LRIG2: variants seen among roughly 807,000 people sequenced by gnomAD.
LRIG2 encodes the protein leucine-rich repeats and immunoglobulin-like domains protein 2.
Under a neutral mutation model 107.8 loss-of-function variants are expected in LRIG2, and 93 were observed. The observed-to-expected ratio is 0.86, with a 90% CI of 0.73 to 1.03. LRIG2 has a LOEUF of 1.03. Among genes scored for constraint, LRIG2 ranks in the 50% least tolerant of loss-of-function variants. The pLI is 0.00. For missense variants in LRIG2, 1,226 were observed against 1,296.0 expected, an observed-to-expected ratio of 0.95 and a Z score of 0.83; for synonymous variants, 471 against 470.6, an observed-to-expected ratio of 1.00 and a Z score of -0.01.
intron 1 of LRIG2, among the ~76,000 whole-genome samples, chr1:113,090,008 A>G (rs1008834366): frequency 4.0e-5 from 6 of 151,060 alleles, no homozygotes; most frequent in African/African-American, 1.5e-4. Context: ...TTTTTTTTTA[A>G]AGGAAGACCA....
At chr1:113,103,827 C>T (rs1248046852) in intron 11 of LRIG2, 1 of 152,238 alleles carries the variant, frequency 6.6e-6, no homozygotes, top group Non-Finnish European at 1.5e-5. Context: ...AATATATTCT[C>T]TGGAGTTGGG....
In LRIG2 at chr1:113,119,497, A is replaced by G. The variant is rs1655155690; in HGVS notation, c.2945A>G (p.Lys982Arg). 6.2e-7 allele frequency: 1 copy of G among 1,613,992 alleles called. No individual in the cohort carries two copies. Among genetic ancestry groups the G allele is most frequent in the South Asian group, 1.1e-5 (1 of 91,076 alleles). The change falls in exon 17 of 18, where the codon AAA (lysine) becomes AGA (arginine). Residue 982 changes from lysine (K) to arginine (R), a missense_variant. Physicochemically the swap from Lys to Arg is conservative, Grantham distance 26. This residue lies in a region of LRIG2 where 642 missense variants were observed against 712.2 expected (regional missense o/e 0.90). Transcript: ENST00000361127. The part of the protein sequence containing the change: ...PTNHERISEK[K>R]LPSTQMSGET... The stretch of plus-strand genomic sequence containing the variant: ...AACCATGAGAGGATAAGTGAGAAGA[A>G]ACTTCCCTCCACACAGATGAGCGGT...
intron 1 of LRIG2, among the ~76,000 whole-genome samples, chr1:113,075,364 A>T (rs967819392): frequency 6.6e-6 from 1 of 152,250 alleles, no homozygotes; most frequent in Non-Finnish European, 1.5e-5. Context: ...TAGCACAGAT[A>T]GGAAAGAAAG....
chr1:113,093,121 A>G, intron 2 of LRIG2, 85 bp from the exon 3 acceptor site: 1 of 808,048 alleles, frequency 1.2e-6, no homozygotes. Flanking sequence ...ACCTATTCTA[A>G]AGAATATGTG....
At chr1:113,106,963 C>T (rs1162553880) in intron 11 of LRIG2, among the ~76,000 whole-genome samples, 5 of 152,146 alleles carry the variant, frequency 3.3e-5, no homozygotes, top group Non-Finnish European at 7.4e-5. Flanking sequence ...GTACAATTAA[C>T]ACCCCATACC....
intron 1 of LRIG2, among the ~76,000 whole-genome samples, chr1:113,083,556 G>A (rs1653386177): frequency 6.6e-6 from 1 of 151,624 alleles, no homozygotes; most frequent in African/African-American, 2.4e-5. Context: ...ATGTTGGCCA[G>A]GCTGGTCTCG....
At chr1:113,101,457 C>T (rs1654307281) in intron 11 of LRIG2, among the ~76,000 whole-genome samples, 1 of 152,220 alleles carries the variant, frequency 6.6e-6, no homozygotes, top group Non-Finnish European at 1.5e-5. Flanking sequence ...GCCTGGGAAG[C>T]TACTCAAAGG....
At chr1:113,098,597 G>T in intron 8 of LRIG2, 108 bp from the exon 9 acceptor site, 2 of 687,078 alleles carry the variant, frequency 2.9e-6, no homozygotes, top group Middle Eastern at 2.5e-4. Context: ...GTTAAAGTAA[G>T]GATCAGAATT....
chr1:113,083,297 C>G (rs1424254167), intron 1 of LRIG2, among the ~76,000 whole-genome samples: 2 of 150,142 alleles, frequency 1.3e-5, no homozygotes, highest in Non-Finnish European at 3.0e-5. Context: ...ACCTCAGCCT[C>G]CCAAAGAGCT....
In LRIG2 at chr1:113,116,274, G is replaced by C. The variant is rs970429750; in HGVS notation, c.2531-13G>C. ...CTGCCTACCTTTGAGAGTTAAAAAT[G>C]TCTCTTTTACAGAGGAGCTCAATCT... On this transcript the variant is annotated splice_polypyrimidine_tract_variant and intron_variant, in intron 15 of 17. Coordinates refer to ENST00000361127, the MANE Select transcript of LRIG2 (RefSeq NM_014813.3). 14 of 1,597,068 alleles carry C rather than the reference G, an allele frequency of 8.8e-6. No homozygotes were observed. The highest frequency in any genetic ancestry group is 1.3e-5 in the African/African-American group (1 of 74,470).
At chr1:113,123,574 C>G (rs1279540034) in intron 17 of LRIG2, among the ~76,000 whole-genome samples, 1 of 151,772 alleles carries the variant, frequency 6.6e-6, no homozygotes, top group Admixed American at 6.6e-5. Flanking sequence ...AACTCCATCT[C>G]AAAAAAATAA....
chr1:113,073,581 A>G lies in LRIG2; in HGVS notation c.175A>G (p.Arg59Gly), dbSNP rs758761832. 1 of 1,613,884 alleles carries G rather than the reference A, an allele frequency of 6.2e-7. No homozygotes were observed. Among genetic ancestry groups the G allele is most frequent in the South Asian group, 1.1e-5 (1 of 91,080 alleles). ...CRIPLLDCSR[R>G]KLPAPSWRAL... Reference sequence around the variant, plus strand: ...CATTCCTCTCCTGGACTGCAGTCGCAGGAAATTGCCCGCACCGAGCTGGAG... The same window carrying G: ...CATTCCTCTCCTGGACTGCAGTCGCGGGAAATTGCCCGCACCGAGCTGGAG... Residue 59 changes from arginine (R) to glycine (G), a missense_variant, in exon 1 of 18, where the codon AGG (arginine) becomes GGG (glycine). Arg to Gly is a moderately radical substitution (Grantham distance 125). Coordinates refer to ENST00000361127, the MANE Select transcript of LRIG2 (RefSeq NM_014813.3).
intron 15 of LRIG2, 90 bp from the exon 16 acceptor site, chr1:113,116,197 A>G (rs1227146130): frequency 7.5e-6 from 8 of 1,071,464 alleles, no homozygotes; most frequent in South Asian, 1.6e-5. Flanking sequence ...TCTTGCTAAT[A>G]GTATCAAAGT....
Position 113,124,192 on chromosome 1 carries a change from T to C in LRIG2, c.*91T>C. 9.0e-7 allele frequency: 1 copy of C among 1,107,528 alleles called. No individual in the cohort carries two copies. Among genetic ancestry groups the C allele is most frequent in the South Asian group, 1.4e-5 (1 of 71,182 alleles). The allele number at this position is 1,107,528 out of a possible 1,614,324, so 68.6% of individuals were successfully genotyped here. A position where few individuals can be genotyped will look rare whatever the true frequency, so the allele number is the denominator to read the frequency against. The stretch of plus-strand genomic sequence containing the variant: ...CTCAGAAGAAACTCCGAAGTCAGCA[T>C]TTGCTTTACTCTTTCTTTATGATTG... On this transcript the variant is annotated 3_prime_UTR_variant, in exon 18 of 18. Transcript: ENST00000361127.
chr1:113,106,305 T>C (rs763959797), intron 11 of LRIG2, among the ~76,000 whole-genome samples: 54 of 152,198 alleles, frequency 3.5e-4, no homozygotes, highest in Admixed American at 2.1e-3. Context: ...TTAAACTTGA[T>C]AAGGATTTGA....
intron 1 of LRIG2, among the ~76,000 whole-genome samples, chr1:113,090,533 T>C (rs181279911): frequency 1.8e-4 from 27 of 152,222 alleles, no homozygotes; most frequent in Admixed American, 3.9e-4. Flanking sequence ...AGGACTTTTT[T>C]TTTTTATTAA....
rs765270186 is a variant in LRIG2 at position 113,073,548 on chromosome 1, T to C, written c.142T>C (p.Ser48Pro). Reference protein sequence around the residue: ...AGAGLCPAPCSCRIPLLDCSR... With the variant: ...AGAGLCPAPCPCRIPLLDCSR... Reference sequence around the variant, plus strand: ...AGCAGGTCTCTGCCCCGCGCCCTGCTCCTGCCGCATTCCTCTCCTGGACTG... The same window carrying C: ...AGCAGGTCTCTGCCCCGCGCCCTGCCCCTGCCGCATTCCTCTCCTGGACTG... The change falls in exon 1 of 18, where the codon TCC (serine) becomes CCC (proline). Residue 48 changes from serine (S) to proline (P), a missense_variant. Physicochemically the swap from Ser to Pro is moderately conservative, Grantham distance 74. This residue lies in a region of LRIG2 where 570 missense variants were observed against 550.2 expected (regional missense o/e 1.04). Coordinates refer to ENST00000361127, the MANE Select transcript of LRIG2 (RefSeq NM_014813.3). 2.5e-6 allele frequency: 4 copies of C among 1,614,052 alleles called. No homozygotes were observed. In the South Asian group the frequency reaches 4.4e-5, roughly 18 times the overall value.
At chr1:113,091,832 T>C (rs1185684055) in intron 2 of LRIG2, among the ~76,000 whole-genome samples, 2 of 152,252 alleles carry the variant, frequency 1.3e-5, no homozygotes, top group South Asian at 4.1e-4. Flanking sequence ...GTTTTTCTCT[T>C]AACTAAAGTT....
Position 113,131,144 on chromosome 1 carries a change from A to C in LRIG2, c.*7043A>C, listed in dbSNP as rs1655691297. On this transcript the variant is annotated 3_prime_UTR_variant, in exon 18 of 18. Coordinates refer to ENST00000361127, the MANE Select transcript of LRIG2 (RefSeq NM_014813.3). ...GAGATGGGGTTTCACCGTGTTGCCT[A>C]GGCTGGTCTTGAACTCCTGACCTCA... 1 of 152,238 alleles carries C rather than the reference A, an allele frequency of 6.6e-6. No individual in the cohort carries two copies. The highest frequency in any genetic ancestry group is 2.4e-5 in the African/African-American group (1 of 41,438). The allele number at this position is 152,238 out of a possible 1,614,324, so 9.4% of individuals were successfully genotyped here.
Sources: allele counts gnomAD v4.1 joint callset (sites outside exome capture counted in the v4.1 genomes callset), GRCh38; gene constraint gnomAD v4.1.1; regional missense constraint gnomAD v4.1.1; transcripts MANE v1.5; gene names NCBI Gene and HGNC (gene_info 2026-07-23, HGNC 2026-07-21).